GEMIN2: variants seen among roughly 807,000 people sequenced by gnomAD.
GEMIN2 encodes gem nuclear organelle associated protein 2, also known as gem-associated protein 2.
In GEMIN2, 37 loss-of-function variants were observed where a neutral mutation model predicts 45.8. That is an observed-to-expected ratio of 0.81 (90% CI 0.62 to 1.06). The LOEUF is 1.06. GEMIN2 is among the 50% of genes least tolerant of loss of function. The pLI, the probability that GEMIN2 is intolerant of heterozygous loss-of-function variation, is 0.00. For missense variants in GEMIN2, 335 were observed against 321.8 expected, an observed-to-expected ratio of 1.04 and a Z score of -0.31; for synonymous variants, 101 against 111.5, an observed-to-expected ratio of 0.91 and a Z score of 0.60.
At chr14:39,124,499 G>C (rs1268714933) in intron 5 of GEMIN2, among the ~76,000 whole-genome samples, 8 of 152,086 alleles carry the variant, frequency 5.3e-5, no homozygotes, top group African/African-American at 1.9e-4. Context: ...GACCAGGTGA[G>C]GTGGCTCATG....
At chr14:39,126,118 TATTC>T (rs1242011264) in intron 6 of GEMIN2, among the ~76,000 whole-genome samples, 1 of 152,066 alleles carries the variant, frequency 6.6e-6, no homozygotes, top group African/African-American at 2.4e-5. Context: ...TAAGGACTCT[TATTC>T]ATTTAAAAAG....
chr14:39,114,767 T>C, intron 1 of GEMIN2, 62 bp from the exon 2 acceptor site: 1 of 958,590 alleles, frequency 1.0e-6, no homozygotes, highest in Non-Finnish European at 1.7e-6. Flanking sequence ...ATCGCTTGTT[T>C]TACTACACCT....
chr14:39,126,069 G>A (rs1175884257), intron 6 of GEMIN2, among the ~76,000 whole-genome samples: 1 of 150,184 alleles, frequency 6.7e-6, no homozygotes, highest in Non-Finnish European at 1.5e-5. Context: ...GGATCAAAAG[G>A]GAAGAATTAT....
intron 8 of GEMIN2, among the ~76,000 whole-genome samples, chr14:39,133,074 AATAT>A (rs1180866246): frequency 2.2e-5 from 3 of 136,164 alleles, no homozygotes; most frequent in African/African-American, 5.1e-5. Context: ...TTCAGTAATG[AATAT>A]ATATAAGAAC....
At chr14:39,120,495 T>G (rs1031593719) in intron 4 of GEMIN2, among the ~76,000 whole-genome samples, 1 of 152,364 alleles carries the variant, frequency 6.6e-6, no homozygotes, top group Non-Finnish European at 1.5e-5. Flanking sequence ...GGATATTCAG[T>G]ACTAACTGAA....
chr14:39,125,496 G>T (rs2052627761), intron 6 of GEMIN2, among the ~76,000 whole-genome samples: 2 of 151,972 alleles, frequency 1.3e-5, no homozygotes, highest in Non-Finnish European at 2.9e-5. Context: ...GTAGAGAGAG[G>T]ATTTTGTCAT....
At chr14:39,132,521 ACT>A (rs1414733770) in intron 8 of GEMIN2, among the ~76,000 whole-genome samples, 2 of 151,888 alleles carry the variant, frequency 1.3e-5, no homozygotes, top group East Asian at 1.9e-4. Context: ...ACAGAGCAAG[ACT>A]CTGTCTCAAA....
intron 2 of GEMIN2, among the ~76,000 whole-genome samples, chr14:39,117,524 A>G (rs954798442): frequency 1.3e-5 from 2 of 152,192 alleles, no homozygotes; most frequent in South Asian, 4.1e-4. Context: ...TTCTTTTGGG[A>G]ACATTCAAAT....
chr14:39,122,541 C>T lies in GEMIN2; in HGVS notation c.484C>T (p.Gln162Ter). Residue 162 changes from glutamine to a stop codon, truncating the protein, a stop_gained and splice_region_variant, in exon 5 of 10, where the codon CAA becomes TAA. Coordinates refer to ENST00000308317, the MANE Select transcript of GEMIN2 (RefSeq NM_003616.3). LOFTEE classifies it high-confidence loss of function. ...TGAAAGTCCTGGAATAGATTATGTA[C>T]AAGTAAGGGCTGTGTGGATAAACAG... is the stretch of plus-strand genomic sequence containing the variant. ...TNESPGIDYV[Q>*]IGFPPLLSIV... The T allele has an allele frequency of 7.0e-7, 1 of 1,428,886 alleles. No individual in the cohort carries two copies. Among genetic ancestry groups the T allele is most frequent in the Non-Finnish European group, 9.8e-7 (1 of 1,017,826 alleles). 88.5% of individuals were successfully genotyped at this position (1,428,886 alleles called of 1,614,324 possible). A position where few individuals can be genotyped will look rare whatever the true frequency, so the allele number is the denominator to read the frequency against.
chr14:39,115,045 T>A (rs971135203), intron 2 of GEMIN2, 132 bp downstream of exon 2: 13 of 625,026 alleles, frequency 2.1e-5, no homozygotes, highest in Non-Finnish European at 3.5e-5. Flanking sequence ...GACATTCGCT[T>A]GTACTTTTTC....
Position 39,118,553 on chromosome 14 carries a change from A to G in GEMIN2, c.326A>G (p.His109Arg), listed in dbSNP as rs750474827. The G allele has an allele frequency of 8.8e-6, 13 of 1,479,300 alleles. No individual in the cohort carries two copies. Among genetic ancestry groups the G allele is most frequent in the South Asian group, 3.4e-5 (3 of 88,268 alleles). The allele number at this position is 1,479,300 out of a possible 1,614,324, so 91.6% of individuals were successfully genotyped here. A position where few individuals can be genotyped will look rare whatever the true frequency, so the allele number is the denominator to read the frequency against. The change falls in exon 4 of 10, where the codon CAT becomes CGT. Residue 109 changes from histidine to arginine, a missense_variant. His to Arg is a conservative substitution (Grantham distance 29). Transcript: ENST00000308317. ...TTCTTCCTTTAGAATGTGAACAAAC[A>G]TAGAAGTCACTGGAAATCACAACAG... ...FSTVRQNVNK[H>R]RSHWKSQQLD...
chr14:39,129,220 T>C (rs1464247630), intron 7 of GEMIN2, among the ~76,000 whole-genome samples: 1 of 152,178 alleles, frequency 6.6e-6, no homozygotes, highest in Non-Finnish European at 1.5e-5. Flanking sequence ...TATAGGTTTG[T>C]AGCCTAGGAG....
At chr14:39,131,853 A>G (rs567301293) in intron 7 of GEMIN2, 105 bp from the exon 8 acceptor site, 116 of 642,592 alleles carry the variant, frequency 1.8e-4, no homozygotes, top group Non-Finnish European at 2.8e-4. Context: ...TAAATGTTCT[A>G]TGAATTTATT....
At chr14:39,118,758 A>G (rs994787590) in intron 4 of GEMIN2, among the ~76,000 whole-genome samples, 159 bp downstream of exon 4, 3 of 151,912 alleles carry the variant, frequency 2.0e-5, no homozygotes, top group Non-Finnish European at 4.4e-5. Flanking sequence ...AGTAGCCTGG[A>G]AAGTATAGAT....
chr14:39,133,568 T>G, intron 8 of GEMIN2, 93 bp from the exon 9 acceptor site: 1 of 619,098 alleles, frequency 1.6e-6, no homozygotes, highest in African/African-American at 1.9e-5. Context: ...TATAATAAAG[T>G]TTTCATGTTT....
In GEMIN2 at chr14:39,114,797, T is replaced by A. The variant is rs1018221024; in HGVS notation, c.138-32T>A. ...ACACCTGAGCAAAGCACAACAGAAA[T>A]TTAATTTATCGCGTTTATTACTTAT... On this transcript the variant is annotated intron_variant, in intron 1 of 9. Transcript: ENST00000308317. The A allele has an allele frequency of 1.6e-5, 19 of 1,195,732 alleles. 1 individual carries two copies. In the East Asian group the frequency reaches 2.3e-4, roughly 15 times the overall value. 74.1% of individuals were successfully genotyped at this position (1,195,732 alleles called of 1,614,324 possible). A position where few individuals can be genotyped will look rare whatever the true frequency, so the allele number is the denominator to read the frequency against.
At chr14:39,128,206 CTT>C in intron 6 of GEMIN2, 72 bp from the exon 7 acceptor site, 2 of 775,086 alleles carry the variant, frequency 2.6e-6, no homozygotes, top group Non-Finnish European at 4.2e-6. Flanking sequence ...TCTAAATAAA[CTT>C]AATGAAACTC....
chr14:39,123,785 C>A (rs1485744035), intron 5 of GEMIN2, among the ~76,000 whole-genome samples: 1 of 126,380 alleles, frequency 7.9e-6, no homozygotes. Flanking sequence ...CAGTAGTGCA[C>A]TCATAGCTCA....
At chr14:39,128,118 C>G (rs1566535101) in intron 6 of GEMIN2, among the ~76,000 whole-genome samples, 162 bp from the exon 7 acceptor site, 1 of 142,316 alleles carries the variant, frequency 7.0e-6, no homozygotes, top group African/African-American at 2.6e-5. Context: ...GCCGCCTAAT[C>G]AAACTAATTA....
Sources: allele counts gnomAD v4.1 joint callset (sites outside exome capture counted in the v4.1 genomes callset), GRCh38; gene constraint gnomAD v4.1.1; transcripts MANE v1.5; gene names NCBI Gene and HGNC (gene_info 2026-07-23, HGNC 2026-07-21).